The following CHD9 variants were observed in gnomAD, a reference collection of about 807,000 sequenced individuals.
CHD9 encodes chromodomain helicase DNA binding protein 9, also known as ATP-dependent chromatin remodeler CHD9.
CHD9 carries 77 observed loss-of-function variants against 316.1 expected under a neutral mutation model. That is an observed-to-expected ratio of 0.24 (90% CI 0.20 to 0.29). The LOEUF is 0.29. Ranked by LOEUF, CHD9 falls within the 10% of genes least tolerant of loss-of-function variation. The probability of loss-of-function intolerance (pLI) is 1.00; values close to 1 mark genes in which losing one functional copy is unlikely to be tolerated. For missense variants in CHD9, 2,763 were observed against 3,438.1 expected, an observed-to-expected ratio of 0.80 and a Z score of 4.91; for synonymous variants, 1,129 against 1,158.3, an observed-to-expected ratio of 0.97 and a Z score of 0.51.
chr16:53,237,049 G>C (rs1332041245), intron 11 of CHD9, among the ~76,000 whole-genome samples: 1 of 151,994 alleles, frequency 6.6e-6, no homozygotes, highest in Non-Finnish European at 1.5e-5. Context: ...TGCTACCTGA[G>C]TGTCTATCTC....
intron 13 of CHD9, among the ~76,000 whole-genome samples, chr16:53,244,761 GT>G (rs1231615344): frequency 6.6e-6 from 1 of 152,106 alleles, no homozygotes; most frequent in African/African-American, 2.4e-5. Flanking sequence ...ATGATACAGA[GT>G]TTTTAAAAAG....
intron 2 of CHD9, among the ~76,000 whole-genome samples, chr16:53,197,719 C>A (rs1028828133): frequency 2.7e-5 from 4 of 149,710 alleles, no homozygotes; most frequent in Non-Finnish European, 5.9e-5. Flanking sequence ...TGCAGTGGTG[C>A]GATCTCTGCG....
intron 2 of CHD9, among the ~76,000 whole-genome samples, chr16:53,204,541 A>G (rs1316222342): frequency 1.3e-5 from 2 of 151,954 alleles, no homozygotes; most frequent in Non-Finnish European, 2.9e-5. Context: ...CTTCTACTCT[A>G]TTTGTTTTTT....
At chr16:53,308,627 A>G in intron 33 of CHD9, 59 bp from the exon 34 acceptor site, 1 of 1,312,566 alleles carries the variant, frequency 7.6e-7, no homozygotes, top group South Asian at 1.3e-5. Context: ...TTCTCTTAAT[A>G]TCCTGCAATA....
chr16:53,175,790 A>C (rs1048220413), intron 2 of CHD9, among the ~76,000 whole-genome samples: 5 of 152,230 alleles, frequency 3.3e-5, no homozygotes, highest in African/African-American at 1.2e-4. Flanking sequence ...TCATGGCTTT[A>C]CATATATTTT....
intron 1 of CHD9, among the ~76,000 whole-genome samples, chr16:53,117,879 G>C (rs1221672133): frequency 3.4e-5 from 5 of 149,078 alleles, no homozygotes; most frequent in Non-Finnish European, 4.5e-5. Flanking sequence ...AGGCTGGAGT[G>C]CAGTGGTGCG....
At chr16:53,168,271 C>A (rs1255844800) in intron 2 of CHD9, among the ~76,000 whole-genome samples, 2 of 152,064 alleles carry the variant, frequency 1.3e-5, no homozygotes, top group African/African-American at 4.8e-5. Context: ...CCTTGTTGGT[C>A]AGGCTGGTCT....
chr16:53,252,658 A>G (rs1017360776), intron 17 of CHD9, among the ~76,000 whole-genome samples: 4 of 151,490 alleles, frequency 2.6e-5, no homozygotes, highest in African/African-American at 4.9e-5. Flanking sequence ...CTTCTGACCA[A>G]GTGCTAATAT....
chr16:53,158,520 G>A lies in CHD9; in HGVS notation c.1452+979G>A, dbSNP rs1009707030. Among the ~76,000 whole-genome samples, 7 of 152,070 alleles carry A rather than the reference G, an allele frequency of 4.6e-5. No individual in the cohort carries two copies. In the East Asian group the frequency reaches 5.8e-4, roughly 13 times the overall value. ...ACTTTGACTTAGATAATTTCCGTGCGTCTCTTTTTCCTCATCTTTAAAATG... is the reference window on the plus strand; with the variant it reads ...ACTTTGACTTAGATAATTTCCGTGCATCTCTTTTTCCTCATCTTTAAAATG... On this transcript the variant is annotated intron_variant, in intron 2 of 38. Transcript: ENST00000447540.
In CHD9 at chr16:53,253,420, T is replaced by C. The variant is rs1401888201; in HGVS notation, c.3862-1018T>C. ...AGGACACAAAGGCATAAGAATGGTA[T>C]GATGGACTTTGGGGACTTGGGGAGA... On this transcript the variant is annotated intron_variant, in intron 17 of 38. Coordinates refer to ENST00000447540, the MANE Select transcript of CHD9 (RefSeq NM_001308319.2). Among the ~76,000 whole-genome samples, 3 of 152,114 alleles carry C rather than the reference T, an allele frequency of 2.0e-5. No individual in the cohort carries two copies. In the East Asian group the frequency reaches 5.8e-4, roughly 29 times the overall value.
At chr16:53,062,939 G>T (rs1814528161) in intron 1 of CHD9, among the ~76,000 whole-genome samples, 1 of 152,084 alleles carries the variant, frequency 6.6e-6, no homozygotes, top group African/African-American at 2.4e-5. Context: ...AGAATCGCTT[G>T]GACCCGGGAG....
At chr16:53,297,190 G>T (rs566366802) in intron 30 of CHD9, 32 bp downstream of exon 30, 2 of 1,537,030 alleles carry the variant, frequency 1.3e-6, no homozygotes, top group Non-Finnish European at 8.9e-7. Context: ...CCTGGTTTCG[G>T]TCAAAGAAGC....
At chr16:53,058,479 A>C (rs2032436668) in intron 1 of CHD9, among the ~76,000 whole-genome samples, 1 of 152,218 alleles carries the variant, frequency 6.6e-6, no homozygotes, top group Non-Finnish European at 1.5e-5. Flanking sequence ...TCTGCCAGGC[A>C]GAAGGTGGGG....
chr16:53,214,276 TCTGAGGGAAAAATAAG>T (rs999797099), intron 3 of CHD9, among the ~76,000 whole-genome samples: 8 of 152,016 alleles, frequency 5.3e-5, no homozygotes, highest in African/African-American at 1.9e-4. Flanking sequence ...ATGAACAAAA[TCTGAGGGAAAAATAAG>T]ACATATCATT....
intron 1 of CHD9, among the ~76,000 whole-genome samples, chr16:53,139,802 G>T (rs1216997006): frequency 6.6e-6 from 1 of 152,182 alleles, no homozygotes; most frequent in East Asian, 1.9e-4. Flanking sequence ...TAAAGCCTTC[G>T]AAAATAATGC....
chr16:53,291,936 T>A (rs558985125), intron 28 of CHD9, among the ~76,000 whole-genome samples, 169 bp downstream of exon 28: 11 of 152,220 alleles, frequency 7.2e-5, no homozygotes, highest in Non-Finnish European at 1.5e-4. Flanking sequence ...TTTAACTACT[T>A]TTAGTGGTTA....
In CHD9 at chr16:53,306,331, T is replaced by C; in HGVS notation, c.6714T>C (p.Asn2238=). ...DETQDSFQMN[N]GTPESAYILQ... Reference sequence around the variant, plus strand: ...CTCAGGATAGTTTTCAGATGAACAATGGGACACCAGAGTCTGCTTATATCT... The same window carrying C: ...CTCAGGATAGTTTTCAGATGAACAACGGGACACCAGAGTCTGCTTATATCT... The change falls in exon 32 of 39, where the codon AAT becomes AAC. Residue 2238 remains asparagine (N), a synonymous_variant. Transcript: ENST00000447540. 2 of 1,611,758 alleles carry C rather than the reference T, an allele frequency of 1.2e-6. No homozygotes were observed. Among genetic ancestry groups the C allele is most frequent in the Non-Finnish European group, 8.5e-7 (1 of 1,178,872 alleles).
intron 1 of CHD9, among the ~76,000 whole-genome samples, chr16:53,086,139 ATTG>A (rs2035442967): frequency 6.6e-6 from 1 of 152,166 alleles, no homozygotes; most frequent in Non-Finnish European, 1.5e-5. Context: ...ACGTGCGGAA[ATTG>A]TTATAGGAAA....
intron 1 of CHD9, among the ~76,000 whole-genome samples, chr16:53,145,505 G>T (rs567238199): frequency 6.6e-6 from 1 of 151,614 alleles, no homozygotes; most frequent in African/African-American, 2.4e-5. Context: ...TCAGGAGTAT[G>T]AGACCAGCCT....
Sources: allele counts gnomAD v4.1 joint callset (sites outside exome capture counted in the v4.1 genomes callset), GRCh38; gene constraint gnomAD v4.1.1; transcripts MANE v1.5; gene names NCBI Gene and HGNC (gene_info 2026-07-23, HGNC 2026-07-21).